The following MTOR variants were observed in gnomAD, a reference collection of about 807,000 sequenced individuals.
MTOR encodes mechanistic target of rapamycin kinase, also known as serine/threonine-protein kinase mTOR.
Under a neutral mutation model 319.8 loss-of-function variants are expected in MTOR, and 70 were observed. The ratio of observed to expected loss-of-function variants is 0.22; its 90% CI spans 0.18 to 0.27. MTOR has a LOEUF of 0.27. MTOR is among the 10% of genes least tolerant of loss of function. The pLI is 1.00. For missense variants in MTOR, 1,890 were observed against 3,274.4 expected, an observed-to-expected ratio of 0.58 and a Z score of 10.32; for synonymous variants, 1,183 against 1,211.4, an observed-to-expected ratio of 0.98 and a Z score of 0.49.
chr1:11,194,347 A>T (rs1645689453), intron 28 of MTOR: 3 of 972,396 alleles, frequency 3.1e-6, no homozygotes, highest in Non-Finnish European at 3.2e-6. Flanking sequence ...GTCTTATTAG[A>T]TTCACACCTA....
intron 28 of MTOR, among the ~76,000 whole-genome samples, chr1:11,186,703 A>C (rs1487103875): frequency 1.3e-5 from 2 of 152,180 alleles, no homozygotes; most frequent in East Asian, 3.8e-4. Context: ...GGTTTTCTCT[A>C]CTGGCTTAGC....
At chr1:11,160,723 T>C (rs995133244) in intron 29 of MTOR, among the ~76,000 whole-genome samples, 1 of 152,236 alleles carries the variant, frequency 6.6e-6, no homozygotes, top group African/African-American at 2.4e-5. Context: ...GCCAGGCACA[T>C]GCTAAGAGTT....
At chr1:11,162,663 A>C (rs1178212870) in intron 29 of MTOR, among the ~76,000 whole-genome samples, 1 of 152,212 alleles carries the variant, frequency 6.6e-6, no homozygotes, top group Non-Finnish European at 1.5e-5. Context: ...TTCAACCCAG[A>C]ATTTCATATC....
chr1:11,222,155 G>A (rs1001570948), intron 19 of MTOR, among the ~76,000 whole-genome samples: 1 of 151,698 alleles, frequency 6.6e-6, no homozygotes, highest in Non-Finnish European at 1.5e-5. Context: ...AATTACCTCA[G>A]TAGTTGATTA....
chr1:11,139,299 C>G lies in MTOR; in HGVS notation c.5130+5G>C, dbSNP rs773877481. On this transcript the variant is annotated splice_donor_5th_base_variant and intron_variant, in intron 36 of 57. Transcript: ENST00000361445. ...GGTCTGTTCTGGATGCATTGGGATA[C>G]AGACCTTGCGGGCACTCTTCCACAT... is the stretch of plus-strand genomic sequence containing the variant. The G allele has an allele frequency of 6.2e-7, 1 of 1,601,364 alleles. No homozygotes were observed. Among genetic ancestry groups the G allele is most frequent in the South Asian group, 1.1e-5 (1 of 89,406 alleles).
chr1:11,209,870 A>G (rs1646255295), intron 24 of MTOR, among the ~76,000 whole-genome samples: 1 of 151,966 alleles, frequency 6.6e-6, no homozygotes, highest in Non-Finnish European at 1.5e-5. Flanking sequence ...GAACCTATTT[A>G]TTTACTTATT....
Position 11,212,569 on chromosome 1 carries a change from T to C in MTOR, c.3399-95A>G. On this transcript the variant is annotated intron_variant, in intron 22 of 57. Coordinates refer to ENST00000361445, the MANE Select transcript of MTOR (RefSeq NM_004958.4). This position sits in a 1 kb window ranked among gnomAD's most constrained non-coding sequence, Gnocchi z 4.1. ...AGCTTAACAATCAGCACCAAAGGGA[T>C]GGGAATGAACGGCTTCTAAGGTATT... 2 of 1,446,324 alleles carry C rather than the reference T, an allele frequency of 1.4e-6. No individual in the cohort carries two copies. The highest frequency in any genetic ancestry group is 1.9e-6 in the Non-Finnish European group (2 of 1,061,812). 89.6% of individuals were successfully genotyped at this position (1,446,324 alleles called of 1,614,324 possible).
rs1212878878 is a variant in MTOR, at chr1:11,110,888, AGAACTGGCTGTCC to A, written c.7367-1172_7367-1160del. On this transcript the variant is annotated intron_variant, in intron 54 of 57. Transcript: ENST00000361445. ...AAATCCACCACCATCTGGTGCCAGC[AGAACTGGCTGTCC>A]TAGTTCCCTTCTGTATGCTACAGAC... Among the ~76,000 whole-genome samples, 30 of 152,340 alleles carry A rather than the reference AGAACTGGCTGTCC, an allele frequency of 2.0e-4. No homozygotes were observed. The South Asian group carries it at 2.3e-3, about 12-fold the overall frequency.
intron 19 of MTOR, among the ~76,000 whole-genome samples, chr1:11,216,810 G>A (rs532543637): frequency 6.6e-5 from 10 of 152,234 alleles, no homozygotes; most frequent in African/African-American, 2.4e-4. Flanking sequence ...TCTTCCATGG[G>A]AAAATGGAGA....
chr1:11,178,112 C>G (rs532780257), intron 28 of MTOR, among the ~76,000 whole-genome samples: 44 of 152,280 alleles, frequency 2.9e-4, no homozygotes, highest in African/African-American at 5.3e-4. Context: ...AGATACCAGG[C>G]CACCAGGAGT....
intron 8 of MTOR, among the ~76,000 whole-genome samples, chr1:11,244,659 A>C (rs997687755): frequency 6.6e-6 from 1 of 152,228 alleles, no homozygotes; most frequent in African/African-American, 2.4e-5. Flanking sequence ...ACAAAAAAAC[A>C]GTACAGTCGT....
At chr1:11,249,986 C>T (rs1489842514) in intron 6 of MTOR, among the ~76,000 whole-genome samples, 10 of 140,954 alleles carry the variant, frequency 7.1e-5, no homozygotes, top group East Asian at 2.4e-4. Context: ...CACTTCCCAG[C>T]AGGGGCGGCC....
At chr1:11,116,972 G>A (rs183533681) in intron 50 of MTOR, 32 bp downstream of exon 50, 1 of 1,516,510 alleles carries the variant, frequency 6.6e-7, no homozygotes, top group Non-Finnish European at 9.0e-7. Context: ...AATGGAGAAA[G>A]AAGACTAAAA....
At chr1:11,244,657 A>T (rs900847661) in intron 8 of MTOR, among the ~76,000 whole-genome samples, 1 of 152,208 alleles carries the variant, frequency 6.6e-6, no homozygotes, top group African/African-American at 2.4e-5. Flanking sequence ...AAACAAAAAA[A>T]CAGTACAGTC....
Position 11,115,714 on chromosome 1 carries a change from G to T in MTOR, c.7017-246C>A. 2.1e-6 allele frequency: 1 copy of T among 471,126 alleles called. No individual in the cohort carries two copies. The allele number at this position is 471,126 out of a possible 1,614,324, so 29.2% of individuals were successfully genotyped here. A position where few individuals can be genotyped will look rare whatever the true frequency, so the allele number is the denominator to read the frequency against. On this transcript the variant is annotated intron_variant, in intron 50 of 57. Transcript: ENST00000361445. The surrounding 1 kb of genome is among the most constrained non-coding windows in gnomAD (Gnocchi z 4.5). ...CTGACTAGTTGTGACAGAGACCAAA[G>T]GGCCCACAAAGCCTAAAACGACCTA...
chr1:11,237,415 C>T (rs1022810766), intron 13 of MTOR, among the ~76,000 whole-genome samples: 8 of 152,130 alleles, frequency 5.3e-5, no homozygotes, highest in African/African-American at 1.9e-4. Flanking sequence ...TGGAAACGGT[C>T]TCACACTGGT....
chr1:11,222,580 C>T (rs1646704943), intron 19 of MTOR, among the ~76,000 whole-genome samples: 1 of 151,902 alleles, frequency 6.6e-6, no homozygotes, highest in African/African-American at 2.4e-5. Flanking sequence ...CTCAAGCAAT[C>T]CTCTCAACTC....
intron 26 of MTOR, among the ~76,000 whole-genome samples, chr1:11,203,848 G>C (rs530082896): frequency 6.6e-6 from 1 of 152,284 alleles, no homozygotes; most frequent in East Asian, 1.9e-4. Flanking sequence ...GGGCAAGGCA[G>C]AAGTGACTCT....
chr1:11,168,154 A>T (rs1644706082), intron 28 of MTOR, among the ~76,000 whole-genome samples: 1 of 151,346 alleles, frequency 6.6e-6, no homozygotes, highest in South Asian at 2.1e-4. Context: ...AACACCAGAA[A>T]CCTTGGATAC....
Sources: allele counts gnomAD v4.1 joint callset (sites outside exome capture counted in the v4.1 genomes callset), GRCh38; gene constraint gnomAD v4.1.1; non-coding constraint Gnocchi (gnomAD v3.1); transcripts MANE v1.5; gene names NCBI Gene and HGNC (gene_info 2026-07-23, HGNC 2026-07-21).